Variants in PCSK4 observed in about 807,000 individuals in gnomAD.
PCSK4 encodes the protein proprotein convertase subtilisin/kexin type 4, also known as testicular tissue protein Li 135.
In PCSK4, 64 loss-of-function variants were observed where a neutral mutation model predicts 80.3. The ratio of observed to expected loss-of-function variants is 0.80; its 90% confidence interval spans 0.65 to 0.98. The LOEUF (loss-of-function observed/expected upper bound fraction) is 0.98. Among genes scored for constraint, PCSK4 ranks in the 50% least tolerant of loss-of-function variants. The pLI, the probability that PCSK4 is intolerant of heterozygous loss-of-function variation, is 0.00. For synonymous variants in PCSK4, 561 were observed against 487.6 expected, an observed-to-expected ratio of 1.15 and a Z score of -1.98; for missense variants, 1,213 against 1,093.6, an observed-to-expected ratio of 1.11 and a Z score of -1.54.
chr19:1,484,492 T>TC (rs2084500459), intron 8 of PCSK4, among the ~76,000 whole-genome samples: 1 of 125,918 alleles, frequency 7.9e-6, no homozygotes. Context: ...GACTCTGGAT[T>TC]AAAAAAAAAA....
chr19:1,484,345 G>C (rs996714422), intron 8 of PCSK4, among the ~76,000 whole-genome samples: 1 of 152,022 alleles, frequency 6.6e-6, no homozygotes, highest in Non-Finnish European at 1.5e-5. Context: ...AAATTAGCCA[G>C]GCATGGTGGC....
intron 2 of PCSK4, 196 bp downstream of exon 2, chr19:1,489,597 C>T: frequency 3.1e-6 from 3 of 973,814 alleles, no homozygotes; most frequent in Non-Finnish European, 4.4e-6. Context: ...GTGTACCAGG[C>T]CCTGGCAGGC....
intron 8 of PCSK4, among the ~76,000 whole-genome samples, chr19:1,485,037 A>G (rs574969328): frequency 6.6e-6 from 1 of 151,630 alleles, no homozygotes; most frequent in Non-Finnish European, 1.5e-5. Flanking sequence ...AATCCCAGCT[A>G]CTCAGGAGGC....
Position 1,487,834 on chromosome 19 carries a change from C to A in PCSK4, c.544G>T (p.Asp182Tyr), listed in dbSNP as rs374426103. The change falls in exon 5 of 15, where the codon GAC becomes TAC. Residue 182 changes from aspartate to tyrosine, a missense_variant. By Grantham distance (160) the Asp-to-Tyr change is radical (BLOSUM62 -3). Coordinates refer to ENST00000300954, the Ensembl canonical transcript of PCSK4. Reference sequence around the variant, plus strand: ...CGGGGCTGGGGGTCCGGGTCGTAGTCATTGAAGTCATAGCTGGCCAGGGGG... The same window carrying A: ...CGGGGCTGGGGGTCCGGGTCGTAGTAATTGAAGTCATAGCTGGCCAGGGGG... 1.9e-6 allele frequency: 3 copies of A among 1,561,962 alleles called. No homozygotes were observed. The African/African-American group carries it at 4.1e-5, about 21-fold the overall frequency.
intron 5 of PCSK4, 38 bp downstream of exon 5, chr19:1,487,747 C>A: frequency 6.5e-7 from 1 of 1,549,910 alleles, no homozygotes; most frequent in Non-Finnish European, 8.7e-7. Flanking sequence ...CTGCCGGGTA[C>A]TGGGGCTTCC....
At chr19:1,483,964 C>A in intron 9 of PCSK4, 23 bp from the exon 10 acceptor site, 1 of 1,226,788 alleles carries the variant, frequency 8.2e-7, no homozygotes. Flanking sequence ...GGGGCGGGGG[C>A]GGGTGAGCCG....
At position 1,483,780 on chromosome 19, in the gene PCSK4, G is replaced by T. The variant is rs1020244419; in HGVS notation, c.1274-13C>A. 1.9e-6 allele frequency: 3 copies of T among 1,567,412 alleles called. No homozygotes were observed. The African/African-American group carries it at 4.1e-5, about 22-fold the overall frequency. Reference sequence around the variant, plus strand: ...TAGTGATGGCTCACTGCGCGGAAGGGCAGCAGTCACTCGCCCCGTGGGCCC... The same window carrying T: ...TAGTGATGGCTCACTGCGCGGAAGGTCAGCAGTCACTCGCCCCGTGGGCCC... On this transcript the variant is annotated splice_polypyrimidine_tract_variant and intron_variant, in intron 10 of 14. Coordinates refer to ENST00000300954, the Ensembl canonical transcript of PCSK4.
chr19:1,489,934 C>T (rs1442007571), intron 1 of PCSK4, 37 bp from the exon 2 acceptor site: 1 of 1,571,780 alleles, frequency 6.4e-7, no homozygotes, highest in African/African-American at 1.4e-5. Flanking sequence ...CGATGGGACC[C>T]GGCTCCCCTG....
chr19:1,483,621 G>C (rs757535328), intron 11 of PCSK4, 29 bp downstream of exon 11: 2 of 1,526,432 alleles, frequency 1.3e-6, no homozygotes, highest in Admixed American at 1.8e-5. Flanking sequence ...CCCCAGCGGG[G>C]ATAGCGGAGG....
exon 15 of PCSK4, chr19:1,481,587 T>TTC (rs370258871): frequency 1.5e-4 from 71 of 461,640 alleles, no homozygotes; most frequent in Admixed American, 3.6e-4. Flanking sequence ...CAGAGGAGAC[T>TTC]TCTCTCTCTC....
In PCSK4 at chr19:1,482,176, C is replaced by G. The variant is rs554107508; in HGVS notation, c.1851G>C (p.Gln617His). The G allele has an allele frequency of 1.9e-6, 3 of 1,555,472 alleles. No homozygotes were observed. In the Admixed American group the frequency reaches 5.5e-5, roughly 28 times the overall value. ...GCGGGGGGCAGTAGGCCAGGCAGAG[C>G]TGTCCCAGGATGTAGGCGGGGCCGT... is the stretch of plus-strand genomic sequence containing the variant. Residue 617 changes from glutamine to histidine, a missense_variant, in exon 15 of 15, where the codon CAG becomes CAC. Transcript: ENST00000300954.
At chr19:1,486,680 C>A (rs1409366694) in intron 8 of PCSK4, among the ~76,000 whole-genome samples, 173 bp downstream of exon 8, 1 of 152,068 alleles carries the variant, frequency 6.6e-6, no homozygotes, top group Non-Finnish European at 1.5e-5. Flanking sequence ...GATCTGCCTG[C>A]CTTAGCCTCC....
chr19:1,483,902 G>A (rs1274164395), exon 10 of PCSK4: 1 of 1,489,816 alleles, frequency 6.7e-7, no homozygotes, highest in Non-Finnish European at 8.9e-7. Flanking sequence ...TGGACGCGCG[G>A]ACCACCAGGT....
intron 13 of PCSK4, 59 bp downstream of exon 13, chr19:1,482,837 C>T (rs2084372771): frequency 1.9e-6 from 3 of 1,582,990 alleles, no homozygotes. Context: ...AGCTCCAGAG[C>T]CCCTGGGGGG....
chr19:1,485,728 G>A (rs745635035), intron 8 of PCSK4, among the ~76,000 whole-genome samples: 6 of 151,876 alleles, frequency 4.0e-5, no homozygotes, highest in African/African-American at 1.2e-4. Flanking sequence ...AAAATTAGCC[G>A]GGCATGGTGG....
chr19:1,482,072 C>A, exon 15 of PCSK4: 1 of 1,553,680 alleles, frequency 6.4e-7, no homozygotes. Flanking sequence ...GGAGGCATGG[C>A]AGCTGGAGCA....
In PCSK4 at chr19:1,487,073, A is replaced by G. The variant is rs947150639; in HGVS notation, c.856-8T>C. The G allele has an allele frequency of 1.2e-5, 20 of 1,603,792 alleles. No homozygotes were observed. The highest frequency in any genetic ancestry group is 1.7e-5 in the Admixed American group (1 of 59,882). ...GCCCAGCCCGCCGCGGCCCTGGGAA[A>G]CCAGGAGGGGCGGGGAGGGGGCGTC... On this transcript the variant is annotated splice_polypyrimidine_tract_variant and splice_region_variant and intron_variant, in intron 7 of 14. Transcript: ENST00000300954.
upstream of PCSK4, chr19:1,490,446 C>G (rs566512932): frequency 2.2e-5 from 12 of 556,786 alleles, no homozygotes; most frequent in Admixed American, 4.0e-4. Context: ...CATAGCAACG[C>G]AGAAGGCTTC....
At chr19:1,489,397 G>C (rs916343471) in intron 2 of PCSK4, among the ~76,000 whole-genome samples, 8 of 152,280 alleles carry the variant, frequency 5.3e-5, no homozygotes, top group African/African-American at 1.9e-4. Flanking sequence ...GCCTCCCAAA[G>C]TGCTGGGATT....
Sources: allele counts gnomAD v4.1 joint callset (sites outside exome capture counted in the v4.1 genomes callset), GRCh38; gene constraint gnomAD v4.1.1; transcripts MANE v1.5; gene names NCBI Gene and HGNC (gene_info 2026-07-23, HGNC 2026-07-21).